The following IL1RAPL2 variants were observed in gnomAD, a reference collection of about 807,000 sequenced individuals.
The protein encoded by IL1RAPL2 is interleukin 1 receptor accessory protein like 2.
In IL1RAPL2, 3 loss-of-function variants were observed where a neutral mutation model predicts 44.1. The ratio of observed to expected loss-of-function variants is 0.07; its 90% CI spans 0.03 to 0.18. The LOEUF is 0.18. IL1RAPL2 is among the 10% of genes least tolerant of loss of function. The probability of loss-of-function intolerance (pLI) is 1.00; values close to 1 mark genes in which losing one functional copy is unlikely to be tolerated. For synonymous variants in IL1RAPL2, 181 were observed against 178.8 expected, an observed-to-expected ratio of 1.01 and a Z score of -0.10; for missense variants, 391 against 496.4, an observed-to-expected ratio of 0.79 and a Z score of 2.02.
intron 2 of IL1RAPL2, among the ~76,000 whole-genome samples, chrX:104,997,230 C>A (rs1361292936): frequency 1.8e-5 from 2 of 111,779 alleles, no homozygotes; most frequent in Non-Finnish European, 3.8e-5. Context: ...AGTATGGAAA[C>A]AGGAATGTAA....
At chrX:105,300,754 G>A (rs918223452) in intron 5 of IL1RAPL2, among the ~76,000 whole-genome samples, 5 of 111,033 alleles carry the variant, frequency 4.5e-5, no homozygotes, top group African/African-American at 1.6e-4. Context: ...CTGAGTTGGT[G>A]GAAAAATTTA....
chrX:104,683,307 A>G (rs1930921445), intron 2 of IL1RAPL2, among the ~76,000 whole-genome samples: 1 of 111,666 alleles, frequency 9.0e-6, no homozygotes, highest in African/African-American at 3.3e-5. Flanking sequence ...CACTCTATCT[A>G]TAGCACTGTG....
chrX:105,108,494 A>AT (rs71816209), intron 2 of IL1RAPL2, among the ~76,000 whole-genome samples: 34,594 of 73,303 alleles, frequency 0.47, 7,841 homozygotes, highest in Non-Finnish European at 0.57. Context: ...CCATGCCCGG[A>AT]TTTTTTTTTT....
intron 2 of IL1RAPL2, among the ~76,000 whole-genome samples, chrX:105,126,277 A>G (rs1225442676): frequency 4.5e-5 from 5 of 111,040 alleles, no homozygotes; most frequent in African/African-American, 9.8e-5. Context: ...ATGTAATTCT[A>G]TACCAGTCTA....
At chrX:105,142,446 C>T (rs1174953281) in intron 2 of IL1RAPL2, among the ~76,000 whole-genome samples, 2 of 111,279 alleles carry the variant, frequency 1.8e-5, no homozygotes, top group African/African-American at 6.5e-5. Flanking sequence ...CCAACAGTCC[C>T]TGAAGCACTG....
chrX:105,075,055 C>T (rs759032782), intron 2 of IL1RAPL2, among the ~76,000 whole-genome samples: 2 of 111,334 alleles, frequency 1.8e-5, no homozygotes, highest in South Asian at 7.6e-4. Flanking sequence ...CCTGATTGCC[C>T]TGGCCAGACC....
At chrX:105,447,379 A>T (rs1419852837) in intron 5 of IL1RAPL2, among the ~76,000 whole-genome samples, 1 of 68,707 alleles carries the variant, frequency 1.5e-5, no homozygotes, top group African/African-American at 6.8e-5. Flanking sequence ...AAATATATAA[A>T]TATATAAATA....
At chrX:105,161,325 CTCAT>C (rs771138241) in intron 2 of IL1RAPL2, among the ~76,000 whole-genome samples, 1 of 109,808 alleles carries the variant, frequency 9.1e-6, no homozygotes, top group Admixed American at 9.9e-5. Context: ...GTGTTTTTTT[CTCAT>C]TCACTTGAAT....
intron 2 of IL1RAPL2, among the ~76,000 whole-genome samples, chrX:104,845,816 T>C (rs1922033932): frequency 8.9e-6 from 1 of 112,009 alleles, no homozygotes; most frequent in Non-Finnish European, 1.9e-5. Context: ...GACTTACTCA[T>C]TGATTATCCT....
intron 6 of IL1RAPL2, among the ~76,000 whole-genome samples, chrX:105,518,307 G>A (rs956998883): frequency 9.0e-6 from 1 of 110,776 alleles, no homozygotes; most frequent in Non-Finnish European, 1.9e-5. Context: ...CTATATCCTG[G>A]GGATAAGAAT....
intron 2 of IL1RAPL2, among the ~76,000 whole-genome samples, chrX:104,971,659 T>C (rs1319590784): frequency 9.0e-6 from 1 of 111,437 alleles, no homozygotes; most frequent in Non-Finnish European, 1.9e-5. Flanking sequence ...CTCTCTTTAG[T>C]CCCTGACCTG....
At chrX:105,318,234 A>G (rs2034866424) in intron 5 of IL1RAPL2, among the ~76,000 whole-genome samples, 1 of 111,144 alleles carries the variant, frequency 9.0e-6, no homozygotes, top group African/African-American at 3.3e-5. Context: ...CGGCCTCCCA[A>G]AGTGGTGGGA....
intron 5 of IL1RAPL2, among the ~76,000 whole-genome samples, chrX:105,394,554 T>C (rs1001008440): frequency 9.0e-6 from 1 of 111,062 alleles, no homozygotes; most frequent in African/African-American, 3.3e-5. Flanking sequence ...AGTCTTTCTC[T>C]TCTTCTAACC....
chrX:104,943,265 T>G (rs1440651669), intron 2 of IL1RAPL2, among the ~76,000 whole-genome samples: 1 of 111,259 alleles, frequency 9.0e-6, no homozygotes, highest in Non-Finnish European at 1.9e-5. Flanking sequence ...TTTCATGGTT[T>G]TAAGCATGTT....
chrX:105,149,908 T>A (rs1371626820), intron 2 of IL1RAPL2, among the ~76,000 whole-genome samples: 2 of 111,171 alleles, frequency 1.8e-5, no homozygotes, highest in African/African-American at 6.5e-5. Flanking sequence ...TTGATTTATA[T>A]TTTAATAATC....
At chrX:105,342,408 G>T (rs1488377573) in intron 5 of IL1RAPL2, among the ~76,000 whole-genome samples, 1 of 112,254 alleles carries the variant, frequency 8.9e-6, no homozygotes, top group Non-Finnish European at 1.9e-5. Context: ...TATTACAAAT[G>T]TTTTTAAGTA....
chrX:104,698,872 G>A (rs892256950), intron 2 of IL1RAPL2, among the ~76,000 whole-genome samples: 1 of 111,812 alleles, frequency 8.9e-6, no homozygotes, highest in East Asian at 2.8e-4. Flanking sequence ...AGGTATATTA[G>A]TTAGGGTGAG....
intron 2 of IL1RAPL2, among the ~76,000 whole-genome samples, chrX:104,774,289 A>G (rs1932685503): frequency 8.9e-6 from 1 of 111,816 alleles, no homozygotes; most frequent in Non-Finnish European, 1.9e-5. Flanking sequence ...TATTGTGTCA[A>G]TAGTAGGCAG....
chrX:105,387,138 A>G (rs1478188153), intron 5 of IL1RAPL2, among the ~76,000 whole-genome samples: 1 of 103,822 alleles, frequency 9.6e-6, no homozygotes, highest in East Asian at 2.8e-4. Flanking sequence ...CTCAAAATTC[A>G]TGATAAAGAA....
Sources: gnomAD v4.1 joint callset for allele counts (sites outside exome capture counted in the v4.1 genomes callset) on GRCh38, gnomAD v4.1.1 for gene constraint, MANE v1.5 for transcripts, NCBI Gene and HGNC (gene_info 2026-07-23, HGNC 2026-07-21) for gene names.